Variants in ARFIP1 observed in about 807,000 individuals in gnomAD.
ARFIP1 encodes arfaptin-1.
A neutral mutation model predicts 42.5 loss-of-function variants in ARFIP1; 24 were observed. That is an observed-to-expected ratio of 0.57 (90% CI 0.41 to 0.80). The LOEUF (loss-of-function observed/expected upper bound fraction) is 0.80. ARFIP1 is among the 30% of genes least tolerant of loss of function. The pLI is 0.00. For missense variants in ARFIP1, 354 were observed against 434.0 expected (o/e 0.82, Z 1.64); for synonymous variants, 141 against 153.7 (o/e 0.92, Z 0.61).
At chr4:152,851,326 A>C (rs1470444412) in intron 2 of ARFIP1, among the ~76,000 whole-genome samples, 1 of 152,192 alleles carries the variant, frequency 6.6e-6, no homozygotes, top group African/African-American at 2.4e-5. Flanking sequence ...AGATTACCTG[A>C]GTGATTACTA....
chr4:152,797,442 G>A (rs7674637), intron 1 of ARFIP1, among the ~76,000 whole-genome samples: 1,726 of 152,158 alleles, frequency 0.011, 44 homozygotes, highest in African/African-American at 0.039. Flanking sequence ...CTATTCTTGC[G>A]TGTTTGATTT....
intron 5 of ARFIP1, among the ~76,000 whole-genome samples, chr4:152,879,559 T>C (rs1735652751): frequency 6.6e-6 from 1 of 152,182 alleles, no homozygotes; most frequent in South Asian, 2.1e-4. Context: ...TTTTAAAAAT[T>C]GTAGTACTGG....
intron 2 of ARFIP1, among the ~76,000 whole-genome samples, chr4:152,853,928 T>TTG (rs1561143890): frequency 1.5e-4 from 21 of 144,042 alleles, no homozygotes; most frequent in African/African-American, 4.6e-4. Context: ...TTTTTTTTTT[T>TTG]GAGACTGAGT....
At chr4:152,838,049 T>C (rs905910283) in intron 2 of ARFIP1, among the ~76,000 whole-genome samples, 1 of 152,176 alleles carries the variant, frequency 6.6e-6, no homozygotes, top group African/African-American at 2.4e-5. Flanking sequence ...TTCCCCACTT[T>C]ATGTTATTGT....
rs764318893 is a variant in ARFIP1, at chr4:152,840,713, C to CTTTT, written c.93+11006_93+11009dup. Among the ~76,000 whole-genome samples, 52 of 107,786 alleles carry CTTTT rather than the reference C, an allele frequency of 4.8e-4. 1 individual carries two copies. The highest frequency in any genetic ancestry group is 5.9e-4 in the Non-Finnish European group (32 of 54,478). The allele number at this position is 107,786 out of a possible 152,430, so 70.7% of individuals were successfully genotyped here. On this transcript the variant is annotated intron_variant, in intron 2 of 8. Coordinates refer to ENST00000353617, the MANE Select transcript of ARFIP1 (RefSeq NM_001025595.3). Reference sequence around the variant, plus strand: ...TCTTATCCATTCTGTGGCTCTGTATCTTTTTTTTTTTTTTTTTTTTTTGAG... The same window carrying CTTTT: ...TCTTATCCATTCTGTGGCTCTGTATCTTTTTTTTTTTTTTTTTTTTTTTTTTGAG...
At position 152,829,713 on chromosome 4, in the gene ARFIP1, A is replaced by G. The variant is rs550011612; in HGVS notation, c.80A>G (p.His27Arg). The G allele has an allele frequency of 2.5e-6, 4 of 1,602,928 alleles. No individual in the cohort carries two copies. The African/African-American group carries it at 4.0e-5, about 16-fold the overall frequency. Residue 27 changes from histidine (H) to arginine (R), a missense_variant, in exon 2 of 9, where the codon CAT becomes CGT. His to Arg is a conservative substitution (Grantham distance 29). Coordinates refer to ENST00000353617, the MANE Select transcript of ARFIP1 (RefSeq NM_001025595.3). ...SNGEVDDSRE[H>R]SFNRDLKHSL... is the part of the protein sequence containing the mutation. The stretch of plus-strand genomic sequence containing the variant: ...GGAGAAGTTGATGACTCTCGTGAAC[A>G]TAGCTTTAATAGGGTAAGAACACTT...
chr4:152,845,603 CT>C (rs1732475789), intron 2 of ARFIP1, among the ~76,000 whole-genome samples: 1 of 152,074 alleles, frequency 6.6e-6, no homozygotes, highest in Non-Finnish European at 1.5e-5. Flanking sequence ...TGAAAAAATG[CT>C]CATCACTAAT....
At chr4:152,781,276 C>T (rs1730479113) in intron 1 of ARFIP1, among the ~76,000 whole-genome samples, 2 of 143,216 alleles carry the variant, frequency 1.4e-5, no homozygotes, top group Non-Finnish European at 3.0e-5. Context: ...CACTCTGTCG[C>T]CCAGGCTGGA....
At chr4:152,886,239 A>G (rs971767377) in intron 7 of ARFIP1, among the ~76,000 whole-genome samples, 1 of 151,966 alleles carries the variant, frequency 6.6e-6, no homozygotes, top group African/African-American at 2.4e-5. Context: ...CACTACCACC[A>G]GGGTCATCTT....
intron 8 of ARFIP1, among the ~76,000 whole-genome samples, chr4:152,893,013 G>A (rs1736994406): frequency 6.6e-6 from 1 of 152,140 alleles, no homozygotes; most frequent in South Asian, 2.1e-4. Flanking sequence ...GTTTCTTTCA[G>A]AGTTCAAAAC....
chr4:152,810,766 A>G (rs191987571), intron 1 of ARFIP1, among the ~76,000 whole-genome samples: 48 of 152,272 alleles, frequency 3.2e-4, no homozygotes, highest in African/African-American at 1.2e-3. Flanking sequence ...CAGTGAGCCA[A>G]CATCACGCCA....
At chr4:152,826,341 G>C (rs1430515605) in intron 1 of ARFIP1, among the ~76,000 whole-genome samples, 1 of 152,104 alleles carries the variant, frequency 6.6e-6, no homozygotes, top group East Asian at 1.9e-4. Context: ...ATAATGGTAG[G>C]CCATTATTCT....
chr4:152,803,165 T>C (rs1281961061), intron 1 of ARFIP1, among the ~76,000 whole-genome samples: 1 of 152,146 alleles, frequency 6.6e-6, no homozygotes, highest in Non-Finnish European at 1.5e-5. Flanking sequence ...GAGGTCAGAC[T>C]GTAAGCAGTT....
At chr4:152,838,597 A>G (rs1222560818) in intron 2 of ARFIP1, among the ~76,000 whole-genome samples, 1 of 152,150 alleles carries the variant, frequency 6.6e-6, no homozygotes, top group Non-Finnish European at 1.5e-5. Context: ...CTGTTGGGCT[A>G]TAGAAGAGCT....
intron 1 of ARFIP1, among the ~76,000 whole-genome samples, chr4:152,810,677 G>A (rs922686544): frequency 3.9e-5 from 6 of 151,998 alleles, no homozygotes; most frequent in South Asian, 2.1e-4. Flanking sequence ...TTAGCTGGGC[G>A]TGGTGGCGGG....
intron 1 of ARFIP1, among the ~76,000 whole-genome samples, chr4:152,801,399 C>T (rs926090912): frequency 6.6e-6 from 1 of 152,078 alleles, no homozygotes; most frequent in Non-Finnish European, 1.5e-5. Context: ...GGAGAGGGCT[C>T]TGTGGGTAGA....
chr4:152,894,387 A>G (rs1737135751), intron 8 of ARFIP1, among the ~76,000 whole-genome samples: 1 of 152,198 alleles, frequency 6.6e-6, no homozygotes, highest in South Asian at 2.1e-4. Flanking sequence ...CCAAAGTTTA[A>G]GGAGCATGTT....
At chr4:152,784,347 A>G (rs1299663934) in intron 1 of ARFIP1, among the ~76,000 whole-genome samples, 1 of 152,196 alleles carries the variant, frequency 6.6e-6, no homozygotes, top group Admixed American at 6.5e-5. Flanking sequence ...TTATGAGACA[A>G]AAGTATTTAT....
intron 1 of ARFIP1, among the ~76,000 whole-genome samples, chr4:152,807,735 CT>C (rs1729099964): frequency 6.6e-6 from 1 of 150,576 alleles, no homozygotes; most frequent in Admixed American, 6.6e-5. Context: ...TTGATGGTGT[CT>C]TTTGAAAAGA....
Sources: gnomAD v4.1 joint callset for allele counts (sites outside exome capture counted in the v4.1 genomes callset) on GRCh38, gnomAD v4.1.1 for gene constraint, MANE v1.5 for transcripts, NCBI Gene and HGNC (gene_info 2026-07-23, HGNC 2026-07-21) for gene names.